The following FBXO34 variants were observed in gnomAD, a reference collection of about 807,000 sequenced individuals.
FBXO34 encodes F-box protein 34, also known as F-box only protein 34.
In FBXO34, 12 loss-of-function variants were observed where a neutral mutation model predicts 24.5. The ratio of observed to expected loss-of-function variants is 0.49; its 90% CI spans 0.31 to 0.79. The LOEUF (loss-of-function observed/expected upper bound fraction) is 0.79. FBXO34 is among the 30% of genes least tolerant of loss of function. The pLI is 0.04. For synonymous variants in FBXO34, 320 were observed against 311.9 expected (o/e 1.03, Z -0.27); for missense variants, 823 against 857.7 (o/e 0.96, Z 0.51).
the FBXO34 span, among the ~76,000 whole-genome samples, chr14:55,405,730 T>C: frequency 3.3e-5 from 5 of 152,354 alleles, no homozygotes; most frequent in Admixed American, 2.6e-4. Context: ...GTAATTTTAA[T>C]ATGTCCAGCA....
At chr14:55,296,391 G>GTTTT (rs1167344634) in intron 1 of FBXO34, among the ~76,000 whole-genome samples, 102 of 64,700 alleles carry the variant, frequency 1.6e-3, no homozygotes, top group Non-Finnish European at 2.5e-3. Flanking sequence ...TGTTTTTTTT[G>GTTTT]TTTTTTTTTT....
intron 1 of FBXO34, among the ~76,000 whole-genome samples, chr14:55,275,757 G>A (rs1281658282): frequency 2.0e-5 from 3 of 147,472 alleles, no homozygotes; most frequent in Non-Finnish European, 4.5e-5. Context: ...CCGGAAGGCA[G>A]AGCTTGCAGT....
chr14:55,401,660 G>A, the FBXO34 span, among the ~76,000 whole-genome samples: 4 of 150,650 alleles, frequency 2.7e-5, no homozygotes, highest in South Asian at 8.4e-4. Flanking sequence ...TTTTTTTTCT[G>A]TTAAAAAAAG....
chr14:55,278,113 T>G (rs1881405145), intron 1 of FBXO34, among the ~76,000 whole-genome samples: 1 of 152,114 alleles, frequency 6.6e-6, no homozygotes, highest in African/African-American at 2.4e-5. Context: ...TTGTTTCTGT[T>G]CTCTGTATCT....
intron 1 of FBXO34, among the ~76,000 whole-genome samples, chr14:55,319,958 C>G (rs1883072157): frequency 6.6e-6 from 1 of 152,142 alleles, no homozygotes; most frequent in African/African-American, 2.4e-5. Context: ...AGGCATGAGC[C>G]ACCACACCTG....
chr14:55,351,416 T>C lies in FBXO34; in HGVS notation c.1026T>C (p.Pro342=). 1 of 1,614,202 alleles carries C rather than the reference T, an allele frequency of 6.2e-7. No individual in the cohort carries two copies. Among genetic ancestry groups the C allele is most frequent in the Non-Finnish European group, 8.5e-7 (1 of 1,180,032 alleles). ...VLEAPDTQVN[P]VGSVSVDCGP... is the part of the protein sequence containing the mutation. ...AGGCACCTGACACTCAGGTGAATCCTGTGGGGTCTGTATCTGTGGATTGTG... is the reference window on the plus strand; with the variant it reads ...AGGCACCTGACACTCAGGTGAATCCCGTGGGGTCTGTATCTGTGGATTGTG... Residue 342 remains proline, a synonymous_variant, in exon 2 of 2, where the codon CCT becomes CCC. Coordinates refer to ENST00000313833, the MANE Select transcript of FBXO34 (RefSeq NM_017943.4).
chr14:55,289,184 C>T (rs1881860162), intron 1 of FBXO34, among the ~76,000 whole-genome samples: 1 of 151,774 alleles, frequency 6.6e-6, no homozygotes, highest in African/African-American at 2.4e-5. Context: ...TCTTTTTTCC[C>T]CCCTTTCCAG....
chr14:55,341,068 T>A (rs556165403), intron 1 of FBXO34, among the ~76,000 whole-genome samples: 1 of 152,172 alleles, frequency 6.6e-6, no homozygotes, highest in East Asian at 1.9e-4. Flanking sequence ...ACCATCGCGA[T>A]AAGTATAGGG....
At chr14:55,411,000 A>T in the FBXO34 span, among the ~76,000 whole-genome samples, 3 of 152,230 alleles carry the variant, frequency 2.0e-5, no homozygotes, top group Admixed American at 2.0e-4. Flanking sequence ...TCCCAATCTG[A>T]ATTTTAAAAC....
intron 1 of FBXO34, chr14:55,298,778 C>T (rs1012337554): frequency 1.9e-5 from 30 of 1,589,560 alleles, no homozygotes; most frequent in Non-Finnish European, 2.3e-5. Flanking sequence ...AGCAGAGGCA[C>T]GGCACCAAAA....
intron 1 of FBXO34, among the ~76,000 whole-genome samples, chr14:55,287,322 G>T (rs551518203): frequency 6.6e-6 from 1 of 152,304 alleles, no homozygotes; most frequent in African/African-American, 2.4e-5. Flanking sequence ...CACAATCTTA[G>T]TCACTCATGT....
At chr14:55,358,045 C>T (rs998456123), downstream of FBXO34, among the ~76,000 whole-genome samples, 1 of 151,912 alleles carries the variant, frequency 6.6e-6, no homozygotes, top group Non-Finnish European at 1.5e-5. Flanking sequence ...ATTCTGGGAC[C>T]GAACTGTTGG....
chr14:55,436,641 G>T, the FBXO34 span: 2 of 1,614,072 alleles, frequency 1.2e-6, no homozygotes, highest in Non-Finnish European at 8.5e-7. Flanking sequence ...GAGACAAGGA[G>T]TCGGAGTTTG....
At chr14:55,431,480 T>C in the FBXO34 span, among the ~76,000 whole-genome samples, 711 of 152,352 alleles carry the variant, frequency 4.7e-3, 6 homozygotes, top group African/African-American at 0.016. Flanking sequence ...ATATGGCTAA[T>C]ACAATTTTAC....
the FBXO34 span, chr14:55,433,697 T>C: frequency 6.2e-7 from 1 of 1,614,016 alleles, no homozygotes; most frequent in East Asian, 2.2e-5. Context: ...GGCTCTCGGA[T>C]CCTCATTATG....
chr14:55,306,458 T>C (rs1882548374), intron 1 of FBXO34, among the ~76,000 whole-genome samples: 2 of 152,260 alleles, frequency 1.3e-5, no homozygotes, highest in Admixed American at 6.5e-5. Flanking sequence ...AATTACATGA[T>C]GTCAGATCCA....
At chr14:55,400,650 C>T in the FBXO34 span, among the ~76,000 whole-genome samples, 4 of 152,224 alleles carry the variant, frequency 2.6e-5, no homozygotes, top group South Asian at 2.1e-4. Flanking sequence ...CACCTGTAAT[C>T]GCAGCACTTT....
At chr14:55,347,602 C>G (rs1884200533) in intron 1 of FBXO34, among the ~76,000 whole-genome samples, 1 of 152,162 alleles carries the variant, frequency 6.6e-6, no homozygotes, top group Non-Finnish European at 1.5e-5. Flanking sequence ...CCTGTGTGTC[C>G]TTACTGGCTA....
At chr14:55,358,704 C>T (rs1307509457) in intron 3 of FBXO34, among the ~76,000 whole-genome samples, 3 of 152,224 alleles carry the variant, frequency 2.0e-5, no homozygotes, top group African/African-American at 7.2e-5. Flanking sequence ...GAGGCCCCAG[C>T]TGCCTGGTTG....
Sources: allele counts gnomAD v4.1 joint callset (sites outside exome capture counted in the v4.1 genomes callset), GRCh38; gene constraint gnomAD v4.1.1; transcripts MANE v1.5; gene names NCBI Gene and HGNC (gene_info 2026-07-23, HGNC 2026-07-21).